STT3B: variants seen among roughly 807,000 people sequenced by gnomAD.
STT3B encodes the protein STT3 oligosaccharyltransferase complex catalytic subunit B, also known as dolichyl-diphosphooligosaccharide--protein glycosyltransferase subunit STT3B.
In STT3B, 29 loss-of-function variants were observed where a neutral mutation model predicts 96.8. The observed-to-expected ratio is 0.30, with a 90% CI of 0.22 to 0.41. STT3B has a LOEUF of 0.41. Ranked by LOEUF, STT3B falls within the 10% of genes least tolerant of loss-of-function variation. The pLI, the probability that STT3B is intolerant of heterozygous loss-of-function variation, is 1.00. For synonymous variants in STT3B, 367 were observed against 360.0 expected (o/e 1.02, Z -0.22); for missense variants, 640 against 1,022.3 (o/e 0.63, Z 5.10).
At chr3:31,544,802 C>G (rs1697360708) in intron 1 of STT3B, among the ~76,000 whole-genome samples, 2 of 152,014 alleles carry the variant, frequency 1.3e-5, no homozygotes, top group Non-Finnish European at 2.9e-5. Context: ...ATGATGAAAC[C>G]CTATCTCTAC....
chr3:31,568,127 G>A (rs545760911), intron 1 of STT3B, among the ~76,000 whole-genome samples: 1 of 151,958 alleles, frequency 6.6e-6, no homozygotes, highest in East Asian at 1.9e-4. Context: ...TCCATGCCTG[G>A]CTTATTTTAC....
At position 31,567,825 on chromosome 3, in the gene STT3B, G is replaced by A. The variant is rs565647366; in HGVS notation, c.315-8571G>A. On this transcript the variant is annotated intron_variant, in intron 1 of 15. Coordinates refer to ENST00000295770, the MANE Select transcript of STT3B (RefSeq NM_178862.3). The stretch of plus-strand genomic sequence containing the variant: ...GTAATTGGCATAGTCATCACCTCAC[G>A]CATTTATCATTTCTTTGTTTTAGAA... Among the ~76,000 whole-genome samples the A allele has an allele frequency of 2.4e-3, 358 of 152,022 alleles. 2 individuals carry two copies. Among genetic ancestry groups the A allele is most frequent in the African/African-American group, 8.2e-3 (338 of 41,454 alleles).
intron 6 of STT3B, 108 bp downstream of exon 6, chr3:31,615,311 C>CA (rs1349902168): frequency 1.7e-5 from 13 of 744,880 alleles, no homozygotes; most frequent in African/African-American, 1.6e-4. Context: ...CAATGACAAC[C>CA]AAAGTAATCT....
At chr3:31,549,043 A>AT (rs201598117) in intron 1 of STT3B, among the ~76,000 whole-genome samples, 4 of 151,470 alleles carry the variant, frequency 2.6e-5, no homozygotes, top group East Asian at 1.9e-4. Context: ...TAAGATTTTA[A>AT]TTTTTTTTTA....
chr3:31,563,174 T>A (rs1036842965), intron 1 of STT3B, among the ~76,000 whole-genome samples: 3 of 152,202 alleles, frequency 2.0e-5, no homozygotes, highest in Non-Finnish European at 4.4e-5. Context: ...CAGGTGATCT[T>A]TTTTACTCGC....
chr3:31,557,909 C>T (rs138903651), intron 1 of STT3B, among the ~76,000 whole-genome samples: 4,116 of 152,288 alleles, frequency 0.027, 183 homozygotes, highest in African/African-American at 0.093. Context: ...GGATTACAGG[C>T]GTGAGCCACT....
At chr3:31,594,954 C>T (rs888663047) in intron 3 of STT3B, among the ~76,000 whole-genome samples, 8 of 152,198 alleles carry the variant, frequency 5.3e-5, no homozygotes, top group African/African-American at 1.9e-4. Flanking sequence ...ACCTTCCTGT[C>T]AGCCTCCTTG....
chr3:31,634,619 G>T (rs1037084091), intron 15 of STT3B, among the ~76,000 whole-genome samples: 2 of 152,110 alleles, frequency 1.3e-5, no homozygotes, highest in African/African-American at 2.4e-5. Flanking sequence ...ATACATAACA[G>T]CATCCATTCT....
At chr3:31,635,687 G>A (rs1416684975) in intron 15 of STT3B, among the ~76,000 whole-genome samples, 1 of 152,152 alleles carries the variant, frequency 6.6e-6, no homozygotes, top group Non-Finnish European at 1.5e-5. Flanking sequence ...GTCTTGCCTG[G>A]AAATTTTAAT....
At position 31,562,815 on chromosome 3, in the gene STT3B, A is replaced by G. The variant is rs145799332; in HGVS notation, c.315-13581A>G. Among the ~76,000 whole-genome samples, 759 of 152,252 alleles carry G rather than the reference A, an allele frequency of 5.0e-3. 13 individuals carry two copies. Among genetic ancestry groups the G allele is most frequent in the African/African-American group, 0.017 (704 of 41,546 alleles). Reference sequence around the variant, plus strand: ...GGCCCTGGCAGCAGGATGCAGTTTAATGGGGCCTGTGTTCTCAAAATGGCA... The same window carrying G: ...GGCCCTGGCAGCAGGATGCAGTTTAGTGGGGCCTGTGTTCTCAAAATGGCA... On this transcript the variant is annotated intron_variant, in intron 1 of 15. Coordinates refer to ENST00000295770, the MANE Select transcript of STT3B (RefSeq NM_178862.3).
chr3:31,568,445 G>A (rs551299299), intron 1 of STT3B, among the ~76,000 whole-genome samples: 3 of 152,054 alleles, frequency 2.0e-5, no homozygotes, highest in East Asian at 1.9e-4. Flanking sequence ...ACTGTTCTTC[G>A]TAGTGGCTGT....
intron 5 of STT3B, among the ~76,000 whole-genome samples, chr3:31,607,930 G>A (rs529615445): frequency 5.9e-5 from 9 of 151,968 alleles, no homozygotes; most frequent in Non-Finnish European, 1.3e-4. Context: ...ACATTTTGTT[G>A]CCACAAAATA....
intron 6 of STT3B, among the ~76,000 whole-genome samples, 177 bp from the exon 7 acceptor site, chr3:31,616,752 T>A (rs1194240247): frequency 1.3e-5 from 2 of 151,406 alleles, no homozygotes; most frequent in Non-Finnish European, 3.0e-5. Context: ...AGTCACAGAA[T>A]TTTTTGGATG....
At chr3:31,535,880 A>G (rs1251734296) in intron 1 of STT3B, among the ~76,000 whole-genome samples, 2 of 152,174 alleles carry the variant, frequency 1.3e-5, no homozygotes, top group African/African-American at 4.8e-5. Flanking sequence ...TAATGTTGAC[A>G]TTTCTTAATT....
At chr3:31,611,835 A>G (rs752856903) in intron 5 of STT3B, among the ~76,000 whole-genome samples, 4 of 151,670 alleles carry the variant, frequency 2.6e-5, no homozygotes, top group Non-Finnish European at 5.9e-5. Context: ...TTACTTCACC[A>G]TTTTTTTTAC....
At chr3:31,554,105 C>T (rs1183830385) in intron 1 of STT3B, among the ~76,000 whole-genome samples, 1 of 152,136 alleles carries the variant, frequency 6.6e-6, no homozygotes, top group Non-Finnish European at 1.5e-5. Flanking sequence ...AGTAGTCTTG[C>T]TCCAACTACA....
At chr3:31,544,279 A>G (rs1379746294) in intron 1 of STT3B, among the ~76,000 whole-genome samples, 137 of 152,330 alleles carry the variant, frequency 9.0e-4, no homozygotes, top group Non-Finnish European at 1.2e-4. Context: ...AAGAGGTTAA[A>G]GGATACTAAA....
chr3:31,579,667 T>A, intron 2 of STT3B, 142 bp from the exon 3 acceptor site: 1 of 640,088 alleles, frequency 1.6e-6, no homozygotes, highest in Non-Finnish European at 2.5e-6. Flanking sequence ...TTTTTTGTAG[T>A]TTATAAAGAA....
Position 31,579,929 on chromosome 3 carries a change from T to A in STT3B, c.544T>A (p.Ser182Thr). ...FLAPTFSGLT[S>T]ISTFLLTREL... is the part of the protein sequence containing the mutation. ...TGCACCAACTTTTAGCGGCCTTACATCTATATCTACTTTCCTGCTTACAAG... is the reference window on the plus strand; with the variant it reads ...TGCACCAACTTTTAGCGGCCTTACAACTATATCTACTTTCCTGCTTACAAG... Residue 182 changes from serine (S) to threonine (T), a missense_variant, in exon 3 of 16, where the codon TCT (serine) becomes ACT (threonine). By Grantham distance (58) the Ser-to-Thr change is moderately conservative (BLOSUM62 1). This residue lies in a region of STT3B where 267 missense variants were observed against 388.3 expected (regional missense o/e 0.69). Transcript: ENST00000295770. The A allele has an allele frequency of 6.2e-7, 1 of 1,613,936 alleles. No individual in the cohort carries two copies. The highest frequency in any genetic ancestry group is 8.5e-7 in the Non-Finnish European group (1 of 1,179,862).
Sources: allele counts gnomAD v4.1 joint callset (sites outside exome capture counted in the v4.1 genomes callset), GRCh38; gene constraint gnomAD v4.1.1; regional missense constraint gnomAD v4.1.1; transcripts MANE v1.5; gene names NCBI Gene and HGNC (gene_info 2026-07-23, HGNC 2026-07-21).